Variants in MED23 observed in about 807,000 individuals in gnomAD.
MED23 encodes mediator complex subunit 23.
MED23 carries 105 observed loss-of-function variants against 163.9 expected under a neutral mutation model. That is an observed-to-expected ratio of 0.64 (90% CI 0.55 to 0.75). MED23 has a LOEUF of 0.75. Among genes scored for constraint, MED23 ranks in the 30% least tolerant of loss-of-function variants. The probability of loss-of-function intolerance (pLI) is 0.00; values close to 1 mark genes in which losing one functional copy is unlikely to be tolerated. For missense variants in MED23, 1,054 were observed against 1,649.0 expected, an observed-to-expected ratio of 0.64 and a Z score of 6.25; for synonymous variants, 561 against 565.6, an observed-to-expected ratio of 0.99 and a Z score of 0.12.
rs1420521779 is a variant in MED23 at position 131,587,584 on chromosome 6, A to C, written c.*95T>G. 9 of 1,590,002 alleles carry C rather than the reference A, an allele frequency of 5.7e-6. No homozygotes were observed. In the East Asian group the frequency reaches 1.8e-4, roughly 32 times the overall value. On this transcript the variant is annotated 3_prime_UTR_variant, in exon 29 of 29. Coordinates refer to ENST00000368068, the MANE Select transcript of MED23 (RefSeq NM_004830.4). ...TCTGAATATCATCACTGCTTCTACT[A>C]TATCACTACAGTGTGATCGCATTCA...
chr6:131,596,722 G>A (rs1562377181), intron 20 of MED23, 34 bp from the exon 21 acceptor site: 3 of 1,600,394 alleles, frequency 1.9e-6, no homozygotes, highest in Admixed American at 3.3e-5. Flanking sequence ...ATATGAAAAT[G>A]TTCAACCTGT....
At chr6:131,581,355 C>T in intron 30 of MED23, 2 of 1,613,516 alleles carry the variant, frequency 1.2e-6, no homozygotes, top group Non-Finnish European at 1.7e-6. Context: ...TGTATCTTTC[C>T]TCCTGAAGGA....
chr6:131,609,151 C>T (rs1183386532), intron 11 of MED23, among the ~76,000 whole-genome samples: 7 of 152,156 alleles, frequency 4.6e-5, no homozygotes, highest in African/African-American at 1.7e-4. Context: ...CTGTCCATCG[C>T]TACACCACCT....
chr6:131,607,260 C>T (rs552398737), intron 12 of MED23, among the ~76,000 whole-genome samples: 1 of 151,138 alleles, frequency 6.6e-6, no homozygotes, highest in African/African-American at 2.4e-5. Context: ...TTACAGTAAC[C>T]CCATCATGTT....
At chr6:131,593,510 C>T (rs1035863637) in intron 23 of MED23, among the ~76,000 whole-genome samples, 4 of 152,058 alleles carry the variant, frequency 2.6e-5, no homozygotes, top group Non-Finnish European at 4.4e-5. Context: ...TCTTTTGCTT[C>T]AGAAAATAAA....
downstream of MED23, among the ~76,000 whole-genome samples, chr6:131,584,816 TACACACACACACACACAC>T (rs59196638): frequency 7.5e-6 from 1 of 134,044 alleles, no homozygotes; most frequent in African/African-American, 2.8e-5. Context: ...CTACAAAAAA[TACACACACACACACACAC>T]ACACACACAC....
At chr6:131,575,039 A>T (rs1214576419) in intron 30 of MED23, among the ~76,000 whole-genome samples, 1 of 152,160 alleles carries the variant, frequency 6.6e-6, no homozygotes, top group Non-Finnish European at 1.5e-5. Context: ...AAGTCGGTGG[A>T]GCTGACAAAG....
downstream of MED23, among the ~76,000 whole-genome samples, chr6:131,584,932 G>T (rs1284814416): frequency 6.7e-6 from 1 of 149,280 alleles, no homozygotes; most frequent in Non-Finnish European, 1.5e-5. Context: ...CCAGGAGACG[G>T]AAGTTGCAGT....
rs562505210 is a variant in MED23 at position 131,589,398 on chromosome 6, C to A, written c.3939+67G>T. On this transcript the variant is annotated intron_variant, in intron 28 of 28. Coordinates refer to ENST00000368068, the MANE Select transcript of MED23 (RefSeq NM_004830.4). ...AAATAATCACCCAAACCAAAAAAGT[C>A]TATTACTATATGTTCAAGTTTTCTA... 1.4e-5 allele frequency: 21 copies of A among 1,461,066 alleles called. No individual in the cohort carries two copies. In the African/African-American group the frequency reaches 2.7e-4, roughly 19 times the overall value. 90.5% of individuals were successfully genotyped at this position (1,461,066 alleles called of 1,614,324 possible).
At chr6:131,579,833 T>C (rs1353206238) in intron 30 of MED23, among the ~76,000 whole-genome samples, 1 of 151,420 alleles carries the variant, frequency 6.6e-6, no homozygotes, top group East Asian at 1.9e-4. Flanking sequence ...GTTTAACGTG[T>C]GTGTGTGTGT....
chr6:131,596,223 A>G, intron 21 of MED23, 60 bp from the exon 22 acceptor site: 2 of 1,435,248 alleles, frequency 1.4e-6, no homozygotes, highest in Non-Finnish European at 2.0e-6. Flanking sequence ...CTCTTAAAAG[A>G]GCTAAATGTG....
Position 131,587,193 on chromosome 6 carries a change from A to G in MED23, c.*486T>C. On this transcript the variant is annotated 3_prime_UTR_variant, in exon 29 of 29. Coordinates refer to ENST00000368068, the MANE Select transcript of MED23 (RefSeq NM_004830.4). ...TTGTTTGCTCCTACAATGCAACAAA[A>G]TCTAGATTCCTTTTCTTGATATAAA... 8.9e-7 allele frequency: 1 copy of G among 1,117,408 alleles called. No individual in the cohort carries two copies. The highest frequency in any genetic ancestry group is 3.3e-5 in the South Asian group (1 of 29,970). The allele number at this position is 1,117,408 out of a possible 1,614,324, so 69.2% of individuals were successfully genotyped here.
chr6:131,586,166 C>T (rs533557706), downstream of MED23, among the ~76,000 whole-genome samples: 4 of 152,202 alleles, frequency 2.6e-5, no homozygotes, highest in Middle Eastern at 3.4e-3. Context: ...GAGGCTGAGG[C>T]GGGGGATCAC....
chr6:131,586,816 T>C lies in MED23; in HGVS notation c.*863A>G. Reference sequence around the variant, plus strand: ...TTTCGCAATGCCAATTCCCCCAAAATTAACAATGTCTCTCAAAATCCAAGA... The same window carrying C: ...TTTCGCAATGCCAATTCCCCCAAAACTAACAATGTCTCTCAAAATCCAAGA... On this transcript the variant is annotated 3_prime_UTR_variant, in exon 29 of 29. Coordinates refer to ENST00000368068, the MANE Select transcript of MED23 (RefSeq NM_004830.4). 1 of 1,518,908 alleles carries C rather than the reference T, an allele frequency of 6.6e-7. No homozygotes were observed. Among genetic ancestry groups the C allele is most frequent in the Non-Finnish European group, 8.9e-7 (1 of 1,126,876 alleles). The allele number at this position is 1,518,908 out of a possible 1,614,324, so 94.1% of individuals were successfully genotyped here.
intron 7 of MED23, 46 bp downstream of exon 7, chr6:131,620,582 C>T (rs1048075677): frequency 2.1e-6 from 3 of 1,416,354 alleles, no homozygotes; most frequent in Non-Finnish European, 3.0e-6. Context: ...AGCCACGAAG[C>T]CCAGCCGAAA....
At chr6:131,574,589 T>C (rs1773522828) in intron 30 of MED23, among the ~76,000 whole-genome samples, 1 of 152,166 alleles carries the variant, frequency 6.6e-6, no homozygotes, top group Admixed American at 6.5e-5. Context: ...TGTCTCATGA[T>C]TGTAAGGACT....
intron 6 of MED23, 75 bp from the exon 7 acceptor site, chr6:131,620,804 A>ATTTTT: frequency 1.5e-6 from 1 of 669,232 alleles, no homozygotes; most frequent in Non-Finnish European, 2.4e-6. Context: ...TATTATCATT[A>ATTTTT]TTTTTTTTTT....
At chr6:131,612,894 T>C (rs1237432880) in intron 10 of MED23, among the ~76,000 whole-genome samples, 2 of 152,092 alleles carry the variant, frequency 1.3e-5, no homozygotes, top group Admixed American at 1.3e-4. Flanking sequence ...ACTTGACGCT[T>C]TTCATGTACA....
intron 11 of MED23, 67 bp from the exon 12 acceptor site, chr6:131,608,138 GTTGTTTTTTTGTTT>G: frequency 6.3e-7 from 1 of 1,577,812 alleles, no homozygotes; most frequent in South Asian, 1.1e-5. Flanking sequence ...GGAAGTTTTT[GTTGTTTTTTTGTTT>G]TTGTTTTTAA....
Sources: gnomAD v4.1 joint callset for allele counts (sites outside exome capture counted in the v4.1 genomes callset) on GRCh38, gnomAD v4.1.1 for gene constraint, MANE v1.5 for transcripts, NCBI Gene and HGNC (gene_info 2026-07-23, HGNC 2026-07-21) for gene names.